The following ADAD1 variants were observed in gnomAD, a reference collection of about 807,000 sequenced individuals.
ADAD1 encodes adenosine deaminase domain containing 1, also known as adenosine deaminase domain-containing protein 1.
Under a neutral mutation model 66.8 loss-of-function variants are expected in ADAD1, and 46 were observed. The observed-to-expected ratio is 0.69, with a 90% CI of 0.54 to 0.88. The LOEUF (loss-of-function observed/expected upper bound fraction) is 0.88, where lower values mean the gene tolerates loss of function less well. Ranked by LOEUF, ADAD1 falls within the 40% of genes least tolerant of loss-of-function variation. ADAD1 has a pLI of 0.00. For missense variants in ADAD1, 617 were observed against 681.8 expected (o/e 0.91, Z 1.06); for synonymous variants, 248 against 229.4 (o/e 1.08, Z -0.73).
At chr4:122,389,406 A>G (rs866122047) in intron 5 of ADAD1, among the ~76,000 whole-genome samples, 1 of 152,260 alleles carries the variant, frequency 6.6e-6, no homozygotes, top group Middle Eastern at 3.4e-3. Context: ...TCAAATCCTG[A>G]ATATGCTTGT....
At chr4:122,419,904 C>G (rs1184799230) in intron 11 of ADAD1, among the ~76,000 whole-genome samples, 1 of 152,066 alleles carries the variant, frequency 6.6e-6, no homozygotes, top group Non-Finnish European at 1.5e-5. Context: ...TAAAGTATAT[C>G]TTTATTAGTC....
chr4:122,407,826 A>G (rs938072416), intron 7 of ADAD1, 82 bp from the exon 8 acceptor site: 2 of 1,372,712 alleles, frequency 1.5e-6, no homozygotes, highest in African/African-American at 2.9e-5. Flanking sequence ...ACTAAATTAA[A>G]AATGATGAGA....
chr4:122,402,619 C>T (rs78555110), intron 7 of ADAD1, among the ~76,000 whole-genome samples: 2,315 of 152,080 alleles, frequency 0.015, 61 homozygotes, highest in African/African-American at 0.052. Flanking sequence ...TCTTCTTCCT[C>T]AAGAACACCA....
intron 7 of ADAD1, among the ~76,000 whole-genome samples, chr4:122,403,873 T>C (rs1459680279): frequency 6.6e-6 from 1 of 152,074 alleles, no homozygotes; most frequent in Non-Finnish European, 1.5e-5. Flanking sequence ...AATGGCAGGA[T>C]GCTTCTCAGT....
Position 122,396,389 on chromosome 4 carries a change from T to A in ADAD1, c.724+12T>A. On this transcript the variant is annotated intron_variant, in intron 7 of 12. Transcript: ENST00000296513. ...TATAATTGAAAGAGGTAAGTCCACA[T>A]ATTTGGGAAAAACTAATATTGTAAT... 1 of 1,559,562 alleles carries A rather than the reference T, an allele frequency of 6.4e-7. No homozygotes were observed. Among genetic ancestry groups the A allele is most frequent in the Admixed American group, 2.0e-5 (1 of 49,078 alleles).
rs551524590 is a variant in ADAD1 at position 122,415,308 on chromosome 4, A to G, written c.1250-71A>G. ...AGAAATGGGCTTTAGACGATTTCCA[A>G]TCATTTCATTTATTTTATTTTGGGA... On this transcript the variant is annotated intron_variant, in intron 10 of 12. Coordinates refer to ENST00000296513, the MANE Select transcript of ADAD1 (RefSeq NM_139243.4). 2.6e-4 allele frequency: 331 copies of G among 1,255,260 alleles called. 1 individual carries two copies. The African/African-American group carries it at 4.4e-3, about 17-fold the overall frequency. The allele number at this position is 1,255,260 out of a possible 1,614,324, so 77.8% of individuals were successfully genotyped here.
intron 11 of ADAD1, among the ~76,000 whole-genome samples, chr4:122,418,508 G>C (rs948956671): frequency 6.6e-6 from 1 of 151,890 alleles, no homozygotes; most frequent in African/African-American, 2.4e-5. Context: ...ATTTTTAGTA[G>C]AAAGGAGGTT....
At chr4:122,409,503 C>T (rs2150577231) in intron 8 of ADAD1, among the ~76,000 whole-genome samples, 1 of 152,056 alleles carries the variant, frequency 6.6e-6, no homozygotes, top group South Asian at 2.1e-4. Context: ...TATGTATCAC[C>T]TCAAGCATTT....
Position 122,411,403 on chromosome 4 carries a change from T to C in ADAD1, c.1019+11T>C, listed in dbSNP as rs201052303. 1.4e-5 allele frequency: 22 copies of C among 1,597,512 alleles called. No individual in the cohort carries two copies. Among genetic ancestry groups the C allele is most frequent in the Admixed American group, 5.4e-5 (3 of 55,422 alleles). Reference sequence around the variant, plus strand: ...GATTAAGTCACAGTTGTAAGTATTATAGAAGTTGTTTTTAAAAGCAAGTAG... The same window carrying C: ...GATTAAGTCACAGTTGTAAGTATTACAGAAGTTGTTTTTAAAAGCAAGTAG... On this transcript the variant is annotated intron_variant, in intron 9 of 12. Coordinates refer to ENST00000296513, the MANE Select transcript of ADAD1 (RefSeq NM_139243.4).
At chr4:122,418,390 A>G (rs575377589) in intron 11 of ADAD1, among the ~76,000 whole-genome samples, 1 of 148,778 alleles carries the variant, frequency 6.7e-6, no homozygotes, top group South Asian at 2.1e-4. Flanking sequence ...GCTCACTGCA[A>G]GCTCCACCTT....
At chr4:122,429,564 G>A (rs1046642575) in intron 12 of ADAD1, 62 bp from the exon 13 acceptor site, 6 of 986,756 alleles carry the variant, frequency 6.1e-6, no homozygotes, top group Non-Finnish European at 6.3e-6. Context: ...CAGTATTGGG[G>A]CTACTTTTCA....
chr4:122,380,186 G>T lies in ADAD1; in HGVS notation c.117G>T (p.Trp39Cys), dbSNP rs778926424. ...ATKTITTPTG[W>C]SSESYGLSKM... ...AGACGATAACTACACCCACAGGATG[G>T]TCCTCAGAAAGTTACGGCCTGTCCA... The change falls in exon 3 of 13, where the codon TGG (tryptophan) becomes TGT (cysteine). Residue 39 changes from tryptophan (W) to cysteine (C), a missense_variant. Transcript: ENST00000296513. The T allele has an allele frequency of 3.1e-6, 5 of 1,614,052 alleles. No individual in the cohort carries two copies. The African/African-American group carries it at 4.0e-5, about 13-fold the overall frequency.
intron 7 of ADAD1, among the ~76,000 whole-genome samples, chr4:122,400,306 A>AT (rs1182981258): frequency 6.6e-6 from 1 of 152,220 alleles, no homozygotes; most frequent in East Asian, 1.9e-4. Flanking sequence ...GGTGTATCAC[A>AT]TTTATCACCT....
At chr4:122,414,284 G>GTT (rs754928657) in intron 10 of ADAD1, among the ~76,000 whole-genome samples, 1 of 115,264 alleles carries the variant, frequency 8.7e-6, no homozygotes, top group African/African-American at 3.2e-5. Context: ...TTGGGGGGGG[G>GTT]GGTACAACTA....
intron 6 of ADAD1, among the ~76,000 whole-genome samples, chr4:122,395,082 C>G (rs1421597628): frequency 1.3e-5 from 2 of 152,012 alleles, no homozygotes; most frequent in African/African-American, 2.4e-5. Flanking sequence ...TGGAGTTTTG[C>G]TCTTGTCGCC....
Position 122,395,260 on chromosome 4 carries a change from A to G in ADAD1, c.599-992A>G, listed in dbSNP as rs184075726. 2.2e-3 allele frequency among the ~76,000 whole-genome samples: 327 copies of G among 152,040 alleles called. 1 individual carries two copies. Among genetic ancestry groups the G allele is most frequent in the African/African-American group, 7.5e-3 (312 of 41,516 alleles). On this transcript the variant is annotated intron_variant, in intron 6 of 12. Transcript: ENST00000296513. Reference sequence around the variant, plus strand: ...GAGACAGGGTTTCACCATGTAGACCAGACTGGTCCCAAACTCTTGACCTCA... The same window carrying G: ...GAGACAGGGTTTCACCATGTAGACCGGACTGGTCCCAAACTCTTGACCTCA...
At chr4:122,392,822 C>A (rs540469942) in intron 5 of ADAD1, among the ~76,000 whole-genome samples, 1 of 152,114 alleles carries the variant, frequency 6.6e-6, no homozygotes, top group Non-Finnish European at 1.5e-5. Context: ...AAAAGTCCAG[C>A]GTCTATGTAT....
chr4:122,400,760 C>A (rs1388334570), intron 7 of ADAD1, among the ~76,000 whole-genome samples: 4 of 152,020 alleles, frequency 2.6e-5, no homozygotes, highest in Non-Finnish European at 5.9e-5. Flanking sequence ...ATTTATCCAT[C>A]TCTTCTAGAT....
chr4:122,423,105 A>G (rs146537296), intron 12 of ADAD1, among the ~76,000 whole-genome samples: 2 of 152,226 alleles, frequency 1.3e-5, no homozygotes, highest in East Asian at 3.9e-4. Context: ...TGCTGGTTTC[A>G]ATGCCAAGAA....
Sources: gnomAD v4.1 joint callset for allele counts (sites outside exome capture counted in the v4.1 genomes callset) on GRCh38, gnomAD v4.1.1 for gene constraint, MANE v1.5 for transcripts, NCBI Gene and HGNC (gene_info 2026-07-23, HGNC 2026-07-21) for gene names.